Variants in PTPRO observed in about 807,000 individuals in gnomAD.
PTPRO encodes the protein receptor-type tyrosine-protein phosphatase O.
A neutral mutation model predicts 145.2 loss-of-function variants in PTPRO; 62 were observed. That is an observed-to-expected ratio of 0.43 (90% confidence interval 0.35 to 0.53). The LOEUF (loss-of-function observed/expected upper bound fraction) is 0.53. Ranked by LOEUF, PTPRO falls within the 20% of genes least tolerant of loss-of-function variation. The probability of loss-of-function intolerance (pLI) is 0.01; values close to 1 mark genes in which losing one functional copy is unlikely to be tolerated. For synonymous variants in PTPRO, 565 were observed against 514.7 expected, an observed-to-expected ratio of 1.10 and a Z score of -1.32; for missense variants, 1,345 against 1,482.7, an observed-to-expected ratio of 0.91 and a Z score of 1.53.
chr12:15,516,293 A>T (rs575849079), intron 8 of PTPRO, among the ~76,000 whole-genome samples: 1 of 148,560 alleles, frequency 6.7e-6, no homozygotes, highest in East Asian at 2.0e-4. Context: ...AGCCAAGCCC[A>T]GAAGTTTTAA....
chr12:15,569,933 A>T (rs1364987121), intron 19 of PTPRO, among the ~76,000 whole-genome samples: 1 of 150,838 alleles, frequency 6.6e-6, no homozygotes, highest in Non-Finnish European at 1.5e-5. Context: ...GGCACATAAC[A>T]TCCTGGAGTA....
intron 6 of PTPRO, among the ~76,000 whole-genome samples, chr12:15,505,907 G>A (rs1942311890): frequency 6.6e-6 from 1 of 152,116 alleles, no homozygotes; most frequent in African/African-American, 2.4e-5. Flanking sequence ...TGAGAATTCA[G>A]GTAGGAATTT....
At chr12:15,569,125 G>A (rs931322171) in intron 18 of PTPRO, among the ~76,000 whole-genome samples, 1 of 152,060 alleles carries the variant, frequency 6.6e-6, no homozygotes, top group African/African-American at 2.4e-5. Flanking sequence ...ACACAGATGG[G>A]GGTGTGTGTA....
chr12:15,539,550 C>T (rs1047568050), intron 12 of PTPRO, among the ~76,000 whole-genome samples: 4 of 151,630 alleles, frequency 2.6e-5, no homozygotes, highest in African/African-American at 4.8e-5. Flanking sequence ...TCACTTGAGG[C>T]CGGGAGTTCG....
At position 15,477,730 on chromosome 12, in the gene PTPRO, G is replaced by T. The variant is rs902165375; in HGVS notation, c.76-6244G>T. 1.5e-4 allele frequency among the ~76,000 whole-genome samples: 23 copies of T among 152,212 alleles called. 1 individual carries two copies. The highest frequency in any genetic ancestry group is 4.3e-4 in the African/African-American group (18 of 41,514). On this transcript the variant is annotated intron_variant, in intron 1 of 26. Transcript: ENST00000281171. ...GCAGCCCACCAGGACAGGGGCTGAT[G>T]ACTTCACTAGACAGTCAAGTGCTCC... is the stretch of plus-strand genomic sequence containing the variant.
intron 19 of PTPRO, among the ~76,000 whole-genome samples, chr12:15,574,048 T>C (rs927218684): frequency 1.3e-5 from 2 of 152,222 alleles, no homozygotes; most frequent in African/African-American, 4.8e-5. Flanking sequence ...TTCATTTTGA[T>C]ACTGACATTG....
chr12:15,452,717 C>T (rs752743511), intron 1 of PTPRO, among the ~76,000 whole-genome samples: 15 of 152,078 alleles, frequency 9.9e-5, no homozygotes, highest in Non-Finnish European at 1.6e-4. Flanking sequence ...AAATGTTTTA[C>T]ACTACATAAA....
intron 1 of PTPRO, among the ~76,000 whole-genome samples, chr12:15,429,145 T>G (rs1457537): frequency 0.55 from 83,231 of 151,964 alleles, 23,300 homozygotes; most frequent in East Asian, 0.72. Context: ...GTAGAATCTC[T>G]TGAAGCTCAT....
intron 15 of PTPRO, among the ~76,000 whole-genome samples, chr12:15,556,335 G>A (rs1462801503): frequency 1.3e-5 from 2 of 152,086 alleles, no homozygotes; most frequent in African/African-American, 2.4e-5. Flanking sequence ...CAAGTAATTA[G>A]CACATTGTGC....
chr12:15,444,651 G>A (rs1013484880), intron 1 of PTPRO, among the ~76,000 whole-genome samples: 2 of 151,480 alleles, frequency 1.3e-5, no homozygotes, highest in African/African-American at 4.9e-5. Flanking sequence ...GCCTTCAGGA[G>A]GTTATTTGTT....
intron 1 of PTPRO, among the ~76,000 whole-genome samples, chr12:15,371,681 G>A (rs1938535467): frequency 6.6e-6 from 1 of 151,906 alleles, no homozygotes; most frequent in Non-Finnish European, 1.5e-5. Context: ...AATATAATTA[G>A]GCTTTGTTCC....
chr12:15,361,436 C>G (rs1451236907), intron 1 of PTPRO, among the ~76,000 whole-genome samples: 3 of 95,558 alleles, frequency 3.1e-5, no homozygotes, highest in Non-Finnish European at 6.2e-5. Context: ...GAGACTCAGT[C>G]TCAAAAAAAA....
intron 1 of PTPRO, among the ~76,000 whole-genome samples, chr12:15,477,831 G>T (rs557227964): frequency 1.8e-4 from 27 of 152,282 alleles, no homozygotes; most frequent in African/African-American, 6.3e-4. Flanking sequence ...AGGGATGAGA[G>T]GGCATCCCAT....
chr12:15,437,840 T>C (rs1940641908), intron 1 of PTPRO, among the ~76,000 whole-genome samples: 1 of 152,196 alleles, frequency 6.6e-6, no homozygotes, highest in Non-Finnish European at 1.5e-5. Flanking sequence ...CTGGTGCTTG[T>C]GCTTGCATCA....
At chr12:15,363,004 A>G (rs1170608394) in intron 1 of PTPRO, among the ~76,000 whole-genome samples, 2 of 152,314 alleles carry the variant, frequency 1.3e-5, no homozygotes, top group Admixed American at 1.3e-4. Flanking sequence ...TTTTAAACTT[A>G]GTAATTCAAA....
intron 1 of PTPRO, among the ~76,000 whole-genome samples, chr12:15,456,313 A>C (rs1354876640): frequency 1.3e-5 from 2 of 152,156 alleles, no homozygotes; most frequent in African/African-American, 4.8e-5. Context: ...CATCCCAGGG[A>C]TAAATCTCAC....
At chr12:15,548,104 G>A (rs868556784) in intron 13 of PTPRO, among the ~76,000 whole-genome samples, 3 of 151,918 alleles carry the variant, frequency 2.0e-5, no homozygotes, top group Non-Finnish European at 2.9e-5. Flanking sequence ...ATTGCTACAA[G>A]TCAAAAAAGG....
At chr12:15,369,988 G>GT (rs1938474648) in intron 1 of PTPRO, among the ~76,000 whole-genome samples, 1 of 152,118 alleles carries the variant, frequency 6.6e-6, no homozygotes, top group African/African-American at 2.4e-5. Flanking sequence ...GGAAGTGGAG[G>GT]TTGCAGTGAG....
rs544716598 is a variant in PTPRO, at chr12:15,333,689, G to A, written c.75+10888G>A. 2.1e-3 allele frequency among the ~76,000 whole-genome samples: 314 copies of A among 152,342 alleles called. 2 individuals carry two copies. The highest frequency in any genetic ancestry group is 8.9e-3 in the South Asian group (43 of 4,824). ...TCGGGCTGGGGAGGCAGTGGCACCA[G>A]GGTGGAGGATGACCTGGAGATGCCA... On this transcript the variant is annotated intron_variant, in intron 1 of 26. Transcript: ENST00000281171.
Sources: allele counts gnomAD v4.1 joint callset (sites outside exome capture counted in the v4.1 genomes callset), GRCh38; gene constraint gnomAD v4.1.1; transcripts MANE v1.5; gene names NCBI Gene and HGNC (gene_info 2026-07-23, HGNC 2026-07-21).